Variants in ERBB4 observed in about 807,000 individuals in gnomAD.
The protein encoded by ERBB4 is receptor tyrosine-protein kinase erbB-4.
Under a neutral mutation model 158.0 loss-of-function variants are expected in ERBB4, and 42 were observed. The observed-to-expected ratio is 0.27, with a 90% CI of 0.21 to 0.34. The LOEUF (loss-of-function observed/expected upper bound fraction) is 0.34, where lower values mean the gene tolerates loss of function less well. Among genes scored for constraint, ERBB4 ranks in the 10% least tolerant of loss-of-function variants. The pLI is 1.00. For missense variants in ERBB4, 1,333 were observed against 1,624.1 expected (o/e 0.82, Z 3.08); for synonymous variants, 583 against 558.7 (o/e 1.04, Z -0.61).
chr2:212,345,410 A>G (rs2088948880), intron 1 of ERBB4, among the ~76,000 whole-genome samples: 1 of 152,280 alleles, frequency 6.6e-6, no homozygotes, highest in East Asian at 1.9e-4. Context: ...CACAGGAGAC[A>G]TTTAGCAATG....
intron 25 of ERBB4, among the ~76,000 whole-genome samples, chr2:211,420,131 T>C (rs573531257): frequency 5.3e-5 from 8 of 152,182 alleles, no homozygotes; most frequent in African/African-American, 1.9e-4. Context: ...TATATACACA[T>C]AATGGTTTTA....
intron 1 of ERBB4, among the ~76,000 whole-genome samples, chr2:212,318,435 C>G (rs894876033): frequency 6.6e-6 from 1 of 151,404 alleles, no homozygotes; most frequent in Non-Finnish European, 1.5e-5. Flanking sequence ...TTTCTTTCCT[C>G]CTCAAAGGGA....
In ERBB4 at chr2:212,149,404, T is replaced by C. The variant is rs117665034; in HGVS notation, c.83-24501A>G. Among the ~76,000 whole-genome samples the C allele has an allele frequency of 5.1e-3, 774 of 152,156 alleles. 9 individuals carry two copies. Among genetic ancestry groups the C allele is most frequent in the East Asian group, 0.037 (191 of 5,170 alleles). ...GTTTTTATAGATCCATAAAATAAAA[T>C]GGGTTATAAAGAGTTAAAAGTTGTA... On this transcript the variant is annotated intron_variant, in intron 1 of 27. Coordinates refer to ENST00000342788, the MANE Select transcript of ERBB4 (RefSeq NM_005235.3).
At chr2:211,416,807 C>G (rs1391234950) in intron 25 of ERBB4, among the ~76,000 whole-genome samples, 1 of 144,094 alleles carries the variant, frequency 6.9e-6, no homozygotes, top group Non-Finnish European at 1.5e-5. Flanking sequence ...ATAGATGAAG[C>G]CTTCCCTTTT....
chr2:212,007,697 C>A (rs760410783), intron 2 of ERBB4, among the ~76,000 whole-genome samples: 1 of 151,824 alleles, frequency 6.6e-6, no homozygotes, highest in Non-Finnish European at 1.5e-5. Flanking sequence ...TTAAGCACTA[C>A]ACAGTTCTAA....
At chr2:212,398,779 T>C (rs950804536) in intron 1 of ERBB4, among the ~76,000 whole-genome samples, 1 of 151,092 alleles carries the variant, frequency 6.6e-6, no homozygotes, top group African/African-American at 2.4e-5. Context: ...AATCTCATCT[T>C]AAAAAAAAAG....
rs150188706 is a variant in ERBB4 at position 211,743,456 on chromosome 2, T to C, written c.622+7183A>G. ...GAGACTGGAGAGAGCTGGCCTGATA[T>C]TGTGCTTAAAGATAAAAAAGGACAT... On this transcript the variant is annotated intron_variant, in intron 5 of 27. Coordinates refer to ENST00000342788, the MANE Select transcript of ERBB4 (RefSeq NM_005235.3). Among the ~76,000 whole-genome samples, 1,175 of 152,288 alleles carry C rather than the reference T, an allele frequency of 7.7e-3. 22 individuals are homozygous for C. Among genetic ancestry groups the C allele is most frequent in the Middle Eastern group, 0.048 (14 of 294 alleles).
chr2:212,269,025 A>G (rs2085250809), intron 1 of ERBB4, among the ~76,000 whole-genome samples: 1 of 151,740 alleles, frequency 6.6e-6, no homozygotes, highest in African/African-American at 2.4e-5. Context: ...AGGCAAAAAG[A>G]AAAAAAATGT....
chr2:212,392,362 G>A (rs114876603), intron 1 of ERBB4, among the ~76,000 whole-genome samples: 125 of 151,956 alleles, frequency 8.2e-4, no homozygotes, highest in African/African-American at 2.9e-3. Flanking sequence ...ATGTAACATG[G>A]AAAAGAAAAG....
intron 1 of ERBB4, among the ~76,000 whole-genome samples, chr2:212,163,883 C>T (rs897264841): frequency 6.6e-6 from 1 of 152,058 alleles, no homozygotes; most frequent in Non-Finnish European, 1.5e-5. Flanking sequence ...GCCTCAACCT[C>T]CTGGGTTCAA....
intron 1 of ERBB4, among the ~76,000 whole-genome samples, chr2:212,328,242 T>C (rs1377150039): frequency 6.6e-6 from 1 of 152,008 alleles, no homozygotes; most frequent in African/African-American, 2.4e-5. Context: ...GGCCTTTCTG[T>C]GCAGCTTAGC....
chr2:211,572,757 T>A (rs1417998750), intron 19 of ERBB4, among the ~76,000 whole-genome samples: 1 of 152,226 alleles, frequency 6.6e-6, no homozygotes, highest in African/African-American at 2.4e-5. Flanking sequence ...TCTGTTCAAT[T>A]CCTTCAACTT....
chr2:211,380,640 C>A lies in ERBB4; in HGVS notation c.*2975G>T, dbSNP rs2062559598. 4.3e-6 allele frequency: 1 copy of A among 231,488 alleles called. No individual in the cohort carries two copies. Among genetic ancestry groups the A allele is most frequent in the Admixed American group, 5.6e-5 (1 of 17,702 alleles). 14.3% of individuals were successfully genotyped at this position (231,488 alleles called of 1,614,324 possible). ...CTGAAATATGTTTTCCCAGGGGGGA[C>A]AAAAATAAAACAAAAAACACTCAAA... On this transcript the variant is annotated 3_prime_UTR_variant, in exon 28 of 28. Transcript: ENST00000342788.
intron 19 of ERBB4, among the ~76,000 whole-genome samples, chr2:211,582,958 A>G (rs994276289): frequency 6.6e-6 from 1 of 152,150 alleles, no homozygotes; most frequent in Non-Finnish European, 1.5e-5. Context: ...AGATATCAGT[A>G]TATCAGTACA....
At chr2:211,605,294 C>T (rs965062029) in intron 19 of ERBB4, among the ~76,000 whole-genome samples, 15 of 152,200 alleles carry the variant, frequency 9.9e-5, no homozygotes, top group Admixed American at 8.5e-4. Flanking sequence ...ATTCTGAATG[C>T]TATTTTTACT....
intron 5 of ERBB4, among the ~76,000 whole-genome samples, chr2:211,732,852 C>T (rs575889949): frequency 9.9e-5 from 15 of 152,174 alleles, no homozygotes; most frequent in Non-Finnish European, 1.6e-4. Flanking sequence ...TGGCGCGCAC[C>T]TGTAATCCCA....
intron 1 of ERBB4, among the ~76,000 whole-genome samples, chr2:212,204,330 C>T (rs1322564366): frequency 2.0e-5 from 3 of 152,108 alleles, no homozygotes; most frequent in African/African-American, 7.2e-5. Flanking sequence ...TTGTTTTAAA[C>T]TTAATGTGTC....
At chr2:211,915,229 T>C (rs952313388) in intron 3 of ERBB4, among the ~76,000 whole-genome samples, 12 of 152,176 alleles carry the variant, frequency 7.9e-5, no homozygotes, top group African/African-American at 2.9e-4. Context: ...GCTTTTGATA[T>C]CTGTATGAAG....
At chr2:211,659,971 G>T (rs1405000051) in intron 15 of ERBB4, among the ~76,000 whole-genome samples, 2 of 152,164 alleles carry the variant, frequency 1.3e-5, no homozygotes, top group African/African-American at 4.8e-5. Context: ...GAAATTTAGA[G>T]TTCTGCAAAC....
Sources: gnomAD v4.1 joint callset for allele counts (sites outside exome capture counted in the v4.1 genomes callset) on GRCh38, gnomAD v4.1.1 for gene constraint, MANE v1.5 for transcripts, NCBI Gene and HGNC (gene_info 2026-07-23, HGNC 2026-07-21) for gene names.